Variants in CACNA2D4 observed in about 807,000 individuals in gnomAD.
The protein encoded by CACNA2D4 is calcium voltage-gated channel auxiliary subunit alpha2delta 4, also known as voltage-dependent calcium channel subunit alpha-2/delta-4.
A neutral mutation model predicts 163.8 loss-of-function variants in CACNA2D4; 157 were observed. That is an observed-to-expected ratio of 0.96 (90% CI 0.84 to 1.09). The LOEUF (loss-of-function observed/expected upper bound fraction) is 1.09. CACNA2D4 is among the 50% of genes least tolerant of loss of function. The probability of loss-of-function intolerance (pLI) is 0.00; values close to 1 mark genes in which losing one functional copy is unlikely to be tolerated. For synonymous variants in CACNA2D4, 598 were observed against 586.9 expected (o/e 1.02, Z -0.27); for missense variants, 1,410 against 1,479.9 (o/e 0.95, Z 0.78).
chr12:1,807,753 C>A (rs1190770868), intron 29 of CACNA2D4, among the ~76,000 whole-genome samples: 1 of 152,150 alleles, frequency 6.6e-6, no homozygotes, highest in African/African-American at 2.4e-5. Context: ...ACAGTTCAGG[C>A]TGCATGGTCA....
chr12:1,827,984 A>G (rs908843110), intron 26 of CACNA2D4: 4 of 480,272 alleles, frequency 8.3e-6, no homozygotes, highest in South Asian at 8.0e-5. Context: ...GGGCATGAGG[A>G]GTGTAAAGAG....
intron 26 of CACNA2D4, among the ~76,000 whole-genome samples, chr12:1,838,103 G>A (rs1422913980): frequency 6.6e-6 from 1 of 152,238 alleles, no homozygotes; most frequent in Non-Finnish European, 1.5e-5. Context: ...GGGCCTGGAG[G>A]ACATGGAGAA....
intron 2 of CACNA2D4, 125 bp from the exon 3 acceptor site, chr12:1,913,264 C>T: frequency 1.4e-6 from 1 of 708,000 alleles, no homozygotes; most frequent in Non-Finnish European, 2.6e-6. Flanking sequence ...GTTTACTCAA[C>T]TAGGGTGAGG....
intron 8 of CACNA2D4, 89 bp downstream of exon 8, chr12:1,886,134 G>T: frequency 6.5e-7 from 1 of 1,535,484 alleles, no homozygotes; most frequent in South Asian, 1.1e-5. Context: ...GCAGGTCACC[G>T]GGTGGTCAGG....
At position 1,828,580 on chromosome 12, in the gene CACNA2D4, G is replaced by C. The variant is rs146966947; in HGVS notation, c.2551+12159C>G. The stretch of plus-strand genomic sequence containing the variant: ...AGCCTCACTGGTGCCTGAGCTTGTC[G>C]GCCTGTGTCACAGACTGCGGCGAGC... On this transcript the variant is annotated intron_variant, in intron 26 of 37. Coordinates refer to ENST00000382722, the MANE Select transcript of CACNA2D4 (RefSeq NM_172364.5). This position sits in a 1 kb window ranked among gnomAD's most constrained non-coding sequence, Gnocchi z 4.2. 2.0e-5 allele frequency among the ~76,000 whole-genome samples: 3 copies of C among 152,206 alleles called. No individual in the cohort carries two copies. Among genetic ancestry groups the C allele is most frequent in the Admixed American group, 1.3e-4 (2 of 15,286 alleles).
chr12:1,907,944 G>A lies in CACNA2D4; in HGVS notation c.580C>T (p.His194Tyr). 6.2e-7 allele frequency: 1 copy of A among 1,614,040 alleles called. No homozygotes were observed. The highest frequency in any genetic ancestry group is 8.5e-7 in the Non-Finnish European group (1 of 1,179,870). The change falls in exon 5 of 38, where the codon CAC becomes TAC. Residue 194 changes from histidine to tyrosine, a missense_variant. By Grantham distance (83) the His-to-Tyr change is moderately conservative. Transcript: ENST00000382722. Reference protein sequence around the residue: ...GAEFLLESNAHFSNLPVNTSI... With the variant: ...GAEFLLESNAYFSNLPVNTSI... ...GTGTTCACCGGCAGGTTGCTGAAGT[G>A]AGCATTGGACTCCAGGAGGAACTCG...
In CACNA2D4 at chr12:1,828,294, A is replaced by G. The variant is rs912899701; in HGVS notation, c.2551+12445T>C. 3.2e-6 allele frequency: 4 copies of G among 1,246,800 alleles called. No homozygotes were observed. Among genetic ancestry groups the G allele is most frequent in the Middle Eastern group, 2.0e-4 (1 of 5,038 alleles). 77.2% of individuals were successfully genotyped at this position (1,246,800 alleles called of 1,614,324 possible). On this transcript the variant is annotated intron_variant, in intron 26 of 37. Transcript: ENST00000382722. This position sits in a 1 kb window ranked among gnomAD's most constrained non-coding sequence, Gnocchi z 4.2. ...GTGACTGTAGGTAGCGCCATATGGG[A>G]CCTTAGCCACACTCAGGCTGCAGGG...
rs1422952119 is a variant in CACNA2D4, at chr12:1,828,347, C to T, written c.2551+12392G>A. ...GCCTACGCCAGATCTTCCTGGGGTA[C>T]CCGAGGCTATGTTCTGGGAAGCCAG... On this transcript the variant is annotated intron_variant, in intron 26 of 37. Transcript: ENST00000382722. This position sits in a 1 kb window ranked among gnomAD's most constrained non-coding sequence, Gnocchi z 4.2. 2 of 734,350 alleles carry T rather than the reference C, an allele frequency of 2.7e-6. No individual in the cohort carries two copies. Among genetic ancestry groups the T allele is most frequent in the Non-Finnish European group, 4.2e-6 (2 of 481,580 alleles). 45.5% of individuals were successfully genotyped at this position (734,350 alleles called of 1,614,324 possible). A position where few individuals can be genotyped will look rare whatever the true frequency, so the allele number is the denominator to read the frequency against.
At position 1,818,133 on chromosome 12, in the gene CACNA2D4, G is replaced by A. The variant is rs533372799; in HGVS notation, c.2552-6410C>T. On this transcript the variant is annotated intron_variant, in intron 26 of 37. Transcript: ENST00000382722. ...ATGTGAGGAGCGTCTCTTCCCGGCC[G>A]CGACCCCGTCTGGGAAGTGAGGAGC... Among the ~76,000 whole-genome samples the A allele has an allele frequency of 2.6e-4, 37 of 144,528 alleles. 1 individual carries two copies. Among genetic ancestry groups the A allele is most frequent in the Non-Finnish European group, 4.3e-4 (28 of 65,080 alleles). The allele number at this position is 144,528 out of a possible 152,430, so 94.8% of individuals were successfully genotyped here.
chr12:1,810,250 C>T lies in CACNA2D4; in HGVS notation c.2721+28G>A, dbSNP rs759293281. 5 of 1,588,078 alleles carry T rather than the reference C, an allele frequency of 3.1e-6. No homozygotes were observed. In the East Asian group the frequency reaches 6.7e-5, roughly 21 times the overall value. On this transcript the variant is annotated intron_variant, in intron 29 of 37. Coordinates refer to ENST00000382722, the MANE Select transcript of CACNA2D4 (RefSeq NM_172364.5). Reference sequence around the variant, plus strand: ...CTCCAGTCCTCCTGCCGCCCTCTCCCCCTCATTCTATATCCCCAGTGACTC... The same window carrying T: ...CTCCAGTCCTCCTGCCGCCCTCTCCTCCTCATTCTATATCCCCAGTGACTC...
chr12:1,909,330 T>C (rs1866756078), intron 4 of CACNA2D4, among the ~76,000 whole-genome samples: 1 of 152,234 alleles, frequency 6.6e-6, no homozygotes, highest in African/African-American at 2.4e-5. Context: ...TAGCTGGGAC[T>C]ACAAGCGCCT....
At position 1,864,976 on chromosome 12, in the gene CACNA2D4, G is replaced by A. The variant is rs558400884; in HGVS notation, c.1879-4770C>T. On this transcript the variant is annotated intron_variant, in intron 18 of 37. Transcript: ENST00000382722. ...AGGACCGTGGTGCCCTCGCCGCGCCGCTCCCGGGTCTCCAGGTGGGCGCCG... is the reference window on the plus strand; with the variant it reads ...AGGACCGTGGTGCCCTCGCCGCGCCACTCCCGGGTCTCCAGGTGGGCGCCG... Among the ~76,000 whole-genome samples, 8 of 152,262 alleles carry A rather than the reference G, an allele frequency of 5.3e-5. No homozygotes were observed. The East Asian group carries it at 1.5e-3, about 29-fold the overall frequency.
In CACNA2D4 at chr12:1,843,398, G is replaced by A. The variant is rs1391684411; in HGVS notation, c.2470+1004C>T. ...GGCAGAAGGGCGTCCTAAAGGGGAA[G>A]TTCTGAGTGACCCCAGCCCTGACTT... On this transcript the variant is annotated intron_variant, in intron 25 of 37. Coordinates refer to ENST00000382722, the MANE Select transcript of CACNA2D4 (RefSeq NM_172364.5). The surrounding 1 kb of genome is among the most constrained non-coding windows in gnomAD (Gnocchi z 4.6). 7.9e-5 allele frequency among the ~76,000 whole-genome samples: 12 copies of A among 152,206 alleles called. No individual in the cohort carries two copies. Among genetic ancestry groups the A allele is most frequent in the Admixed American group, 7.9e-4 (12 of 15,284 alleles).
intron 18 of CACNA2D4, among the ~76,000 whole-genome samples, chr12:1,861,446 CT>C (rs35442066): frequency 0.11 from 15,306 of 138,824 alleles, 807 homozygotes; most frequent in Non-Finnish European, 0.12. Flanking sequence ...TATTTTTACT[CT>C]TTTTTTTTTT....
rs2065210896 is a variant in CACNA2D4 at position 1,799,927 on chromosome 12, G to A, written c.2974+73C>T. 1 of 1,481,952 alleles carries A rather than the reference G, an allele frequency of 6.7e-7. No homozygotes were observed. 91.8% of individuals were successfully genotyped at this position (1,481,952 alleles called of 1,614,324 possible). On this transcript the variant is annotated intron_variant, in intron 33 of 37. Transcript: ENST00000382722. The surrounding 1 kb of genome is among the most constrained non-coding windows in gnomAD (Gnocchi z 4.7). The stretch of plus-strand genomic sequence containing the variant: ...ATCCCCACTGTCACCCACCCCACAG[G>A]GAATGGTCTCACGTTAGTGGACCAA...
At chr12:1,795,878 G>A in intron 35 of CACNA2D4, 98 bp from the exon 36 acceptor site, 1 of 822,118 alleles carries the variant, frequency 1.2e-6, no homozygotes, top group Non-Finnish European at 2.1e-6. Flanking sequence ...GAGTTAGGGT[G>A]GCAGGGAAGC....
At chr12:1,794,486 C>G (rs370267577) in intron 37 of CACNA2D4, among the ~76,000 whole-genome samples, 85 of 152,290 alleles carry the variant, frequency 5.6e-4, no homozygotes, top group African/African-American at 1.7e-3. Flanking sequence ...ACAAGGTGGC[C>G]GTCACTTCAG....
intron 3 of CACNA2D4, among the ~76,000 whole-genome samples, chr12:1,911,638 C>G (rs113740341): frequency 0.014 from 2,193 of 152,260 alleles, 43 homozygotes; most frequent in African/African-American, 0.051. Flanking sequence ...CCGCAGGAGG[C>G]GCAGGGACCG....
chr12:1,828,027 G>T lies in CACNA2D4; in HGVS notation c.2551+12712C>A. The T allele has an allele frequency of 1.1e-6, 1 of 869,770 alleles. No homozygotes were observed. The highest frequency in any genetic ancestry group is 2.1e-5 in the South Asian group (1 of 46,722). 53.9% of individuals were successfully genotyped at this position (869,770 alleles called of 1,614,324 possible). A position where few individuals can be genotyped will look rare whatever the true frequency, so the allele number is the denominator to read the frequency against. On this transcript the variant is annotated intron_variant, in intron 26 of 37. Transcript: ENST00000382722. This position sits in a 1 kb window ranked among gnomAD's most constrained non-coding sequence, Gnocchi z 4.2. Reference sequence around the variant, plus strand: ...GGCCCTCTCCCTAACCCCTGGGCTGGAACGGGGCTCCCGCGCCTGCCTGTG... The same window carrying T: ...GGCCCTCTCCCTAACCCCTGGGCTGTAACGGGGCTCCCGCGCCTGCCTGTG...
Sources: gnomAD v4.1 joint callset for allele counts (sites outside exome capture counted in the v4.1 genomes callset) on GRCh38, gnomAD v4.1.1 for gene constraint, Gnocchi (gnomAD v3.1) non-coding constraint, MANE v1.5 for transcripts, NCBI Gene and HGNC (gene_info 2026-07-23, HGNC 2026-07-21) for gene names.